TCAF1: variants seen among roughly 807,000 people sequenced by gnomAD.
TCAF1 encodes the protein TRPM8 channel-associated factor 1.
Under a neutral mutation model 27.3 loss-of-function variants are expected in TCAF1, and 4 were observed. The ratio of observed to expected loss-of-function variants is 0.15; its 90% CI spans 0.07 to 0.34. The LOEUF is 0.34. TCAF1 is among the 10% of genes least tolerant of loss of function. The pLI, the probability that TCAF1 is intolerant of heterozygous loss-of-function variation, is 1.00. For synonymous variants in TCAF1, 105 were observed against 167.1 expected, an observed-to-expected ratio of 0.63 and a Z score of 2.87; for missense variants, 257 against 425.8, an observed-to-expected ratio of 0.60 and a Z score of 3.49.
Position 143,852,593 on chromosome 7 carries a change from A to G in TCAF1, c.*1540T>C, listed in dbSNP as rs1441335676. The G allele has an allele frequency of 6.6e-6, 1 of 152,562 alleles. No homozygotes were observed. The highest frequency in any genetic ancestry group is 1.5e-5 in the Non-Finnish European group (1 of 68,240). The allele number at this position is 152,562 out of a possible 1,614,324, so 9.5% of individuals were successfully genotyped here. Reference sequence around the variant, plus strand: ...GCCTTACTATGAAATTCTAGGTACAAAAATTTTCCTTAAGCTCTGAAGATG... The same window carrying G: ...GCCTTACTATGAAATTCTAGGTACAGAAATTTTCCTTAAGCTCTGAAGATG... On this transcript the variant is annotated 3_prime_UTR_variant, in exon 9 of 9. Transcript: ENST00000479870.
chr7:143,876,649 C>T, intron 1 of TCAF1, 27 bp from the exon 2 acceptor site: 3 of 1,464,046 alleles, frequency 2.0e-6, no homozygotes, highest in Non-Finnish European at 2.7e-6. Context: ...AAAGGCTCAG[C>T]TTAGCGAAGA....
chr7:143,885,538 G>A (rs1173711795), intron 1 of TCAF1: 2 of 985,296 alleles, frequency 2.0e-6, no homozygotes, highest in Non-Finnish European at 2.4e-6. Context: ...GCAGCAGGAC[G>A]ATTTGTTTCA....
In TCAF1 at chr7:143,851,946, TTTG is replaced by T. The variant is rs1424550087; in HGVS notation, c.*2184_*2186del. ...GAATAAAAAATGAAACCTTTCACAC[TTTG>T]TTAATAGGCTGATCTGAACATTGAA... On this transcript the variant is annotated 3_prime_UTR_variant, in exon 9 of 9. Coordinates refer to ENST00000479870, the MANE Select transcript of TCAF1 (RefSeq NM_014719.3). 2.0e-5 allele frequency: 3 copies of T among 152,222 alleles called. No individual in the cohort carries two copies. The highest frequency in any genetic ancestry group is 4.4e-5 in the Non-Finnish European group (3 of 68,058). 9.4% of individuals were successfully genotyped at this position (152,222 alleles called of 1,614,324 possible).
At chr7:143,885,055 C>T (rs1178658915) in intron 1 of TCAF1, 1 of 985,210 alleles carries the variant, frequency 1.0e-6, no homozygotes, top group African/African-American at 1.7e-5. Context: ...GGCAGCCCCG[C>T]GTGCGCCCCC....
chr7:143,900,877 G>A (rs1415037015), intron 1 of TCAF1, among the ~76,000 whole-genome samples: 1 of 152,102 alleles, frequency 6.6e-6, no homozygotes, highest in Non-Finnish European at 1.5e-5. Context: ...TTAAGAATAC[G>A]TACAGGATAA....
At chr7:143,879,295 C>A (rs772066642) in intron 1 of TCAF1, among the ~76,000 whole-genome samples, 17 of 152,090 alleles carry the variant, frequency 1.1e-4, no homozygotes, top group Non-Finnish European at 2.4e-4. Context: ...GAAAATATAT[C>A]ATGTGTTGCT....
chr7:143,860,718 C>T (rs1394322183), intron 5 of TCAF1, among the ~76,000 whole-genome samples: 3 of 152,214 alleles, frequency 2.0e-5, no homozygotes, highest in Non-Finnish European at 4.4e-5. Flanking sequence ...GGTCTCCCTC[C>T]ATCCACCCCC....
At chr7:143,878,943 A>C (rs1010650167) in intron 1 of TCAF1, among the ~76,000 whole-genome samples, 3 of 151,672 alleles carry the variant, frequency 2.0e-5, no homozygotes, top group African/African-American at 7.3e-5. Context: ...TTCTAAAACC[A>C]CTCTAATCAT....
intron 1 of TCAF1, chr7:143,882,713 G>A: frequency 1.0e-6 from 1 of 979,518 alleles, no homozygotes; most frequent in South Asian, 4.9e-5. Context: ...CAGCCTGCCA[G>A]GCTTTTGGAG....
chr7:143,888,334 T>C (rs994560786), intron 1 of TCAF1, among the ~76,000 whole-genome samples: 1 of 152,024 alleles, frequency 6.6e-6, no homozygotes, highest in Non-Finnish European at 1.5e-5. Context: ...CCCTGGAGAA[T>C]GTATGGGGAG....
At chr7:143,900,096 A>G (rs1385875616) in intron 1 of TCAF1, among the ~76,000 whole-genome samples, 1 of 152,208 alleles carries the variant, frequency 6.6e-6, no homozygotes, top group Admixed American at 6.5e-5. Context: ...GAATACACAT[A>G]AATCTTATAA....
intron 1 of TCAF1, among the ~76,000 whole-genome samples, chr7:143,892,399 A>AT (rs1213312383): frequency 1.2e-4 from 18 of 152,108 alleles, no homozygotes; most frequent in Admixed American, 1.2e-3. Flanking sequence ...AATTTAAAAA[A>AT]TTATAATTCA....
intron 1 of TCAF1, among the ~76,000 whole-genome samples, chr7:143,900,608 C>T (rs1167601966): frequency 6.6e-6 from 1 of 151,906 alleles, no homozygotes; most frequent in Non-Finnish European, 1.5e-5. Context: ...TCAGAGACTC[C>T]CAGCTAAGCC....
intron 1 of TCAF1, chr7:143,886,478 T>C (rs915169289): frequency 1.0e-6 from 1 of 983,734 alleles, no homozygotes; most frequent in East Asian, 1.1e-4. Context: ...GAACTCTATT[T>C]TATTCTTTCT....
At chr7:143,886,699 CCTT>C (rs1161194950) in intron 1 of TCAF1, among the ~76,000 whole-genome samples, 6 of 123,984 alleles carry the variant, frequency 4.8e-5, no homozygotes, top group Non-Finnish European at 9.8e-5. Flanking sequence ...TCAAATTTTA[CCTT>C]TTTTTTTTTT....
chr7:143,878,419 T>C (rs900951481), intron 1 of TCAF1, among the ~76,000 whole-genome samples: 3 of 152,194 alleles, frequency 2.0e-5, no homozygotes. Context: ...CTGTGTACCC[T>C]TGAGAAAGCC....
intron 1 of TCAF1, 142 bp from the exon 2 acceptor site, chr7:143,876,764 G>A (rs184703574): frequency 2.8e-5 from 16 of 563,146 alleles, no homozygotes; most frequent in Admixed American, 4.0e-5. Context: ...TTAAGCACTC[G>A]GTGTTAGTGT....
chr7:143,892,981 C>A (rs983382186), intron 1 of TCAF1, among the ~76,000 whole-genome samples: 4 of 151,842 alleles, frequency 2.6e-5, no homozygotes, highest in Non-Finnish European at 5.9e-5. Flanking sequence ...AACTAAGATA[C>A]CAACTATATA....
At position 143,876,293 on chromosome 7, in the gene TCAF1, C is replaced by T. The variant is rs1280268365; in HGVS notation, c.316G>A (p.Glu106Lys). 3.7e-6 allele frequency: 6 copies of T among 1,614,070 alleles called. No homozygotes were observed. Among genetic ancestry groups the T allele is most frequent in the East Asian group, 2.2e-5 (1 of 44,892 alleles). ...PSLAPLAKILEGSGVDAKVEP... is the reference protein window; with the variant it reads ...PSLAPLAKILKGSGVDAKVEP... ...ACCTTTGCATCCACTCCAGAGCCCT[C>T]GAGGATTTTGGCCAAAGGTGCCAGG... The change falls in exon 2 of 9, where the codon GAG becomes AAG. Residue 106 changes from glutamate (E) to lysine (K), a missense_variant. Transcript: ENST00000479870.
Sources: allele counts gnomAD v4.1 joint callset (sites outside exome capture counted in the v4.1 genomes callset), GRCh38; gene constraint gnomAD v4.1.1; transcripts MANE v1.5; gene names NCBI Gene and HGNC (gene_info 2026-07-23, HGNC 2026-07-21).